The following WDR4 variants were observed in gnomAD, a reference collection of about 807,000 sequenced individuals.
WDR4 encodes the protein tRNA (guanine-N(7)-)-methyltransferase non-catalytic subunit WDR4.
WDR4 carries 47 observed loss-of-function variants against 48.6 expected under a neutral mutation model. That is an observed-to-expected ratio of 0.97 (90% CI 0.77 to 1.23). The LOEUF is 1.23. Ranked by LOEUF, WDR4 falls within the 50% of genes most tolerant of loss-of-function variation. The pLI is 0.00. For missense variants in WDR4, 606 were observed against 551.6 expected (o/e 1.10, Z -0.99); for synonymous variants, 268 against 230.0 (o/e 1.17, Z -1.49).
chr21:42,876,840 C>CGG, intron 1 of WDR4, 73 bp from the exon 2 acceptor site: 1 of 1,394,822 alleles, frequency 7.2e-7, no homozygotes, highest in Non-Finnish European at 9.8e-7. Flanking sequence ...TTTTTTGAGA[C>CGG]GGAGTTTCGC....
chr21:42,882,357 G>A (rs1341273322), upstream of WDR4, among the ~76,000 whole-genome samples: 1 of 150,714 alleles, frequency 6.6e-6, no homozygotes, highest in African/African-American at 2.4e-5. Context: ...GAGGTCAGGA[G>A]TTTGAGACCA....
intron 3 of WDR4, among the ~76,000 whole-genome samples, chr21:42,868,357 C>A (rs558057239): frequency 6.6e-6 from 1 of 152,350 alleles, no homozygotes; most frequent in African/African-American, 2.4e-5. Context: ...ACATTCCACC[C>A]ACGTCTCCAT....
At chr21:42,858,434 C>T (rs1460513386) in intron 6 of WDR4, among the ~76,000 whole-genome samples, 1 of 152,204 alleles carries the variant, frequency 6.6e-6, no homozygotes, top group Non-Finnish European at 1.5e-5. Flanking sequence ...TGCAAGGCCT[C>T]CCAAGCTCCG....
the WDR4 span, among the ~76,000 whole-genome samples, chr21:42,891,273 G>A: frequency 1.3e-5 from 2 of 151,040 alleles, no homozygotes; most frequent in African/African-American, 2.4e-5. Flanking sequence ...AGTAAGCCGA[G>A]ATTGCCCCTG....
chr21:42,867,835 G>A (rs761457541), intron 3 of WDR4, among the ~76,000 whole-genome samples: 1 of 151,906 alleles, frequency 6.6e-6, no homozygotes, highest in Non-Finnish European at 1.5e-5. Context: ...AAAATGCTGG[G>A]ATTACAGGCA....
In WDR4 at chr21:42,879,502, G is replaced by A. The variant is rs763518449; in HGVS notation, c.-7C>T. ...GTCCCACAGAGCCCGCCATGTACCC[G>A]CCCGCCTCACCGCCATACACATGTG... On this transcript the variant is annotated 5_prime_UTR_variant, in exon 1 of 11. Transcript: ENST00000398208. 3.7e-6 allele frequency: 6 copies of A among 1,612,568 alleles called. No individual in the cohort carries two copies. Among genetic ancestry groups the A allele is most frequent in the Admixed American group, 3.3e-5 (2 of 59,938 alleles).
chr21:42,863,648 C>T (rs751340513), intron 3 of WDR4, 52 bp from the exon 4 acceptor site: 1 of 1,560,512 alleles, frequency 6.4e-7, no homozygotes, highest in South Asian at 1.2e-5. Flanking sequence ...GCGCAGGGTC[C>T]TCGACAGCCT....
At chr21:42,871,122 G>A (rs923790996) in intron 3 of WDR4, among the ~76,000 whole-genome samples, 3 of 152,300 alleles carry the variant, frequency 2.0e-5, no homozygotes, top group Middle Eastern at 3.4e-3. Flanking sequence ...ACAAAAGGAC[G>A]ACTCTGTGAG....
chr21:42,863,303 C>T, intron 4 of WDR4, 137 bp downstream of exon 4: 5 of 1,074,668 alleles, frequency 4.7e-6, no homozygotes, highest in Non-Finnish European at 6.7e-6. Flanking sequence ...CCCCCACGTA[C>T]TGCGTCTAAC....
At chr21:42,884,174 C>T (rs182203263), upstream of WDR4, among the ~76,000 whole-genome samples, 106 of 152,268 alleles carry the variant, frequency 7.0e-4, 1 homozygote, top group Middle Eastern at 3.4e-3. Flanking sequence ...TGTTTATCTG[C>T]TCATTGGTTG....
downstream of WDR4, chr21:42,849,131 C>CCTCA (rs113217106): frequency 0.37 from 45,069 of 123,428 alleles, 9,149 homozygotes; most frequent in African/African-American, 0.55. Context: ...GCGGCGCGCA[C>CCTCA]CTCACACAGC....
At chr21:42,888,341 T>G in the WDR4 span, among the ~76,000 whole-genome samples, 1 of 152,144 alleles carries the variant, frequency 6.6e-6, no homozygotes, top group Non-Finnish European at 1.5e-5. Flanking sequence ...GGTGTACTAC[T>G]TGAGCTCAAC....
intron 11 of WDR4, among the ~76,000 whole-genome samples, chr21:42,844,143 A>G (rs2057690373): frequency 6.6e-6 from 1 of 152,192 alleles, no homozygotes; most frequent in South Asian, 2.1e-4. Context: ...ACGCAAACTG[A>G]AGAAGATGAG....
At chr21:42,872,356 T>A (rs901459452) in intron 3 of WDR4, among the ~76,000 whole-genome samples, 1 of 151,998 alleles carries the variant, frequency 6.6e-6, no homozygotes, top group East Asian at 1.9e-4. Context: ...ATGCCTGTAA[T>A]CCCAGCACTT....
At chr21:42,888,427 T>C in the WDR4 span, among the ~76,000 whole-genome samples, 6 of 152,072 alleles carry the variant, frequency 3.9e-5, no homozygotes, top group African/African-American at 4.8e-5. Context: ...GGTGTGGTAC[T>C]GTGCACCTGT....
At chr21:42,843,450 A>AC (rs1366995643) in intron 11 of WDR4, among the ~76,000 whole-genome samples, 1 of 125,028 alleles carries the variant, frequency 8.0e-6, no homozygotes, top group Non-Finnish European at 1.6e-5. Context: ...TCACTCTGTC[A>AC]CCCAGGCTGG....
At position 42,855,754 on chromosome 21, in the gene WDR4, G is replaced by A; in HGVS notation, c.654C>T (p.Tyr218=). 1.3e-6 allele frequency: 2 copies of A among 1,552,926 alleles called. No homozygotes were observed. The highest frequency in any genetic ancestry group is 1.7e-6 in the Non-Finnish European group (2 of 1,147,820). ...AGCAGTGCAGCTGGCGGCCGCTCCT[G>A]TACTCCCAGAGCCTCAGGGTGCCGT... ...SGDGTLRLWE[Y]RSGRQLHCCH... Residue 218 remains tyrosine (Y), a synonymous_variant, in exon 7 of 11, where the codon TAC becomes TAT. Coordinates refer to ENST00000398208, the MANE Select transcript of WDR4 (RefSeq NM_018669.6).
intron 7 of WDR4, 41 bp downstream of exon 7, chr21:42,855,641 T>C (rs2057967714): frequency 1.4e-6 from 2 of 1,480,944 alleles, no homozygotes; most frequent in African/African-American, 1.4e-5. Flanking sequence ...TGCCGGTGTC[T>C]ACAAGCACTC....
intron 10 of WDR4, 87 bp downstream of exon 10, chr21:42,852,168 C>A: frequency 1.4e-6 from 2 of 1,391,538 alleles, no homozygotes; most frequent in South Asian, 2.4e-5. Flanking sequence ...ACCAGGTACC[C>A]CGGGCAGGTC....
Sources: gnomAD v4.1 joint callset for allele counts (sites outside exome capture counted in the v4.1 genomes callset) on GRCh38, gnomAD v4.1.1 for gene constraint, MANE v1.5 for transcripts, NCBI Gene and HGNC (gene_info 2026-07-23, HGNC 2026-07-21) for gene names.